The following KIAA2012 variants were observed in gnomAD, a reference collection of about 807,000 sequenced individuals.
KIAA2012 encodes uncharacterized protein KIAA2012.
In KIAA2012, 125 loss-of-function variants were observed where a neutral mutation model predicts 150.6. The observed-to-expected ratio is 0.83, with a 90% CI of 0.72 to 0.96. KIAA2012 has a LOEUF of 0.96. Among genes scored for constraint, KIAA2012 ranks in the 40% least tolerant of loss-of-function variants. The pLI is 0.00. For synonymous variants in KIAA2012, 462 were observed against 504.7 expected, an observed-to-expected ratio of 0.92 and a Z score of 1.13; for missense variants, 1,219 against 1,354.9, an observed-to-expected ratio of 0.90 and a Z score of 1.57.
chr2:202,183,833 T>C (rs1466465753), intron 15 of KIAA2012, among the ~76,000 whole-genome samples: 2 of 152,206 alleles, frequency 1.3e-5, no homozygotes, highest in Non-Finnish European at 2.9e-5. Context: ...TTCAATGTTA[T>C]AACCTTTAAG....
chr2:202,168,776 G>A (rs1422221002), intron 15 of KIAA2012, among the ~76,000 whole-genome samples: 1 of 152,290 alleles, frequency 6.6e-6, no homozygotes, highest in South Asian at 2.1e-4. Flanking sequence ...AGGAGTGAGA[G>A]ATTTGGGGAA....
At chr2:202,143,533 G>A (rs1691241489) in intron 13 of KIAA2012, among the ~76,000 whole-genome samples, 1 of 146,006 alleles carries the variant, frequency 6.8e-6, no homozygotes, top group Admixed American at 6.9e-5. Flanking sequence ...GGTGGATTAT[G>A]TTATTTGTTT....
At chr2:202,110,021 G>A (rs1417970431) in intron 10 of KIAA2012, among the ~76,000 whole-genome samples, 1 of 152,154 alleles carries the variant, frequency 6.6e-6, no homozygotes, top group African/African-American at 2.4e-5. Flanking sequence ...CGCTGTTTTG[G>A]GCTTTCCTCA....
intron 15 of KIAA2012, among the ~76,000 whole-genome samples, chr2:202,173,989 C>T (rs1012805200): frequency 6.6e-6 from 1 of 151,926 alleles, no homozygotes; most frequent in Admixed American, 6.6e-5. Flanking sequence ...TTTTGAGACA[C>T]AGTTTTGCTC....
chr2:202,197,250 C>A, intron 22 of KIAA2012: 1 of 641,474 alleles, frequency 1.6e-6, no homozygotes, highest in Non-Finnish European at 2.6e-6. Context: ...ATATCTACGT[C>A]AACCCCCTAG....
intron 19 of KIAA2012, 142 bp downstream of exon 19, chr2:202,190,635 A>G (rs1429508959): frequency 1.5e-5 from 10 of 676,644 alleles, no homozygotes; most frequent in Non-Finnish European, 2.5e-5. Flanking sequence ...CTACTTTGGT[A>G]TCTTCTGACC....
At chr2:202,171,588 T>C (rs1691894297) in intron 15 of KIAA2012, among the ~76,000 whole-genome samples, 1 of 151,892 alleles carries the variant, frequency 6.6e-6, no homozygotes, top group South Asian at 2.1e-4. Context: ...CTTTAGTCTT[T>C]TCTTTTCCTC....
chr2:202,135,398 G>C (rs1183981239), intron 12 of KIAA2012, among the ~76,000 whole-genome samples: 1 of 152,150 alleles, frequency 6.6e-6, no homozygotes, highest in Non-Finnish European at 1.5e-5. Flanking sequence ...TTGGTCGATG[G>C]GTTAATCAGT....
rs958302203 is a variant in KIAA2012 at position 202,075,274 on chromosome 2, A to T, written c.369+99A>T. 4.5e-6 allele frequency: 6 copies of T among 1,329,920 alleles called. No homozygotes were observed. The Admixed American group carries it at 1.4e-4, about 32-fold the overall frequency. 82.4% of individuals were successfully genotyped at this position (1,329,920 alleles called of 1,614,324 possible). A position where few individuals can be genotyped will look rare whatever the true frequency, so the allele number is the denominator to read the frequency against. On this transcript the variant is annotated intron_variant, in intron 2 of 23. Coordinates refer to ENST00000498697, the MANE Select transcript of KIAA2012 (RefSeq NM_001277372.4). ...ATAATTTCTTGGACCCGGGGAAGGT[A>T]TGAAACTCTCAGAACTCTATTTCTT... is the stretch of plus-strand genomic sequence containing the variant.
chr2:202,201,514 T>G, intron 22 of KIAA2012: 1 of 1,608,040 alleles, frequency 6.2e-7, no homozygotes, highest in East Asian at 2.2e-5. Context: ...GGAGGAAGAA[T>G]GTTGCCAGCA....
chr2:202,176,720 A>G (rs1691998345), intron 15 of KIAA2012, among the ~76,000 whole-genome samples: 1 of 152,192 alleles, frequency 6.6e-6, no homozygotes, highest in Non-Finnish European at 1.5e-5. Context: ...ACAGAAGAAG[A>G]AACACAAATA....
chr2:202,094,967 G>A (rs1032167445), intron 4 of KIAA2012, among the ~76,000 whole-genome samples: 18 of 152,146 alleles, frequency 1.2e-4, no homozygotes, highest in Non-Finnish European at 2.4e-4. Context: ...GTGGCCATTA[G>A]CACCGATTCC....
At chr2:202,075,409 C>T (rs552260095) in intron 2 of KIAA2012, among the ~76,000 whole-genome samples, 7 of 152,302 alleles carry the variant, frequency 4.6e-5, no homozygotes, top group South Asian at 2.1e-4. Context: ...CCATAAAGGG[C>T]TACATTATCA....
intron 17 of KIAA2012, 120 bp from the exon 18 acceptor site, chr2:202,188,032 G>C (rs1692262951): frequency 5.3e-6 from 4 of 760,594 alleles, no homozygotes; most frequent in Non-Finnish European, 8.4e-6. Context: ...TGCTTTACCT[G>C]GAACCCACAC....
At position 202,077,185 on chromosome 2, in the gene KIAA2012, C is replaced by A. The variant is rs184187892; in HGVS notation, c.369+2010C>A. 94 of 381,356 alleles carry A rather than the reference C, an allele frequency of 2.5e-4. No homozygotes were observed. In the Admixed American group the frequency reaches 2.5e-3, roughly 10 times the overall value. The allele number at this position is 381,356 out of a possible 1,614,324, so 23.6% of individuals were successfully genotyped here. A position where few individuals can be genotyped will look rare whatever the true frequency, so the allele number is the denominator to read the frequency against. ...GTTACTGATCTCAATGTTGCCCCCC[C>A]AGCTGTTTGGCTTCTGAGGTCTCCA... On this transcript the variant is annotated intron_variant, in intron 2 of 23. Coordinates refer to ENST00000498697, the MANE Select transcript of KIAA2012 (RefSeq NM_001277372.4).
chr2:202,143,290 T>A (rs1242980086), intron 13 of KIAA2012, among the ~76,000 whole-genome samples: 1 of 151,982 alleles, frequency 6.6e-6, no homozygotes, highest in Non-Finnish European at 1.5e-5. Context: ...TTCACTGTGT[T>A]GCCCAGCCTG....
intron 15 of KIAA2012, among the ~76,000 whole-genome samples, chr2:202,174,096 G>A (rs1691947862): frequency 6.6e-6 from 1 of 152,124 alleles, no homozygotes; most frequent in African/African-American, 2.4e-5. Context: ...CTCCCAAGTA[G>A]CTGGGATTAC....
intron 2 of KIAA2012, among the ~76,000 whole-genome samples, chr2:202,079,641 T>C (rs1387551574): frequency 1.3e-5 from 2 of 152,184 alleles, no homozygotes; most frequent in Non-Finnish European, 2.9e-5. Context: ...TAAAGATAAA[T>C]GTTAAGTCAA....
intron 23 of KIAA2012, among the ~76,000 whole-genome samples, chr2:202,203,482 G>C (rs1255616888): frequency 6.6e-6 from 1 of 152,142 alleles, no homozygotes; most frequent in Non-Finnish European, 1.5e-5. Flanking sequence ...TTCTAGAGCT[G>C]CACTGCTGAG....
Sources: allele counts gnomAD v4.1 joint callset (sites outside exome capture counted in the v4.1 genomes callset), GRCh38; gene constraint gnomAD v4.1.1; transcripts MANE v1.5; gene names NCBI Gene and HGNC (gene_info 2026-07-23, HGNC 2026-07-21).